GALNTL6: variants seen among roughly 807,000 people sequenced by gnomAD.
The protein encoded by GALNTL6 is polypeptide N-acetylgalactosaminyltransferase like 6, also known as polypeptide N-acetylgalactosaminyltransferase-like 6.
Under a neutral mutation model 73.7 loss-of-function variants are expected in GALNTL6, and 46 were observed. That is an observed-to-expected ratio of 0.62 (90% CI 0.49 to 0.80). GALNTL6 has a LOEUF of 0.80. Among genes scored for constraint, GALNTL6 ranks in the 30% least tolerant of loss-of-function variants. The pLI is 0.00. For synonymous variants in GALNTL6, 259 were observed against 263.7 expected (o/e 0.98, Z 0.17); for missense variants, 604 against 755.0 (o/e 0.80, Z 2.34).
chr4:172,458,658 A>G (rs1279647449), intron 5 of GALNTL6, among the ~76,000 whole-genome samples: 1 of 152,220 alleles, frequency 6.6e-6, no homozygotes. Context: ...ACACCCTCCC[A>G]GGACTAAACC....
intron 2 of GALNTL6, among the ~76,000 whole-genome samples, chr4:171,950,674 T>C (rs187686845): frequency 6.6e-6 from 1 of 152,104 alleles, no homozygotes; most frequent in Admixed American, 6.6e-5. Context: ...GAGAAGGGGT[T>C]TCACCATGTC....
At chr4:172,492,006 G>C (rs966332807) in intron 5 of GALNTL6, among the ~76,000 whole-genome samples, 2 of 152,082 alleles carry the variant, frequency 1.3e-5, no homozygotes, top group African/African-American at 4.8e-5. Flanking sequence ...CCATTGAGTG[G>C]TTCTAACCTG....
intron 2 of GALNTL6, among the ~76,000 whole-genome samples, chr4:172,119,521 G>A (rs11132927): frequency 1.3e-5 from 2 of 151,994 alleles, no homozygotes; most frequent in South Asian, 2.1e-4. Context: ...TCTTGGCCAC[G>A]TTATAACATT....
At chr4:172,604,021 A>G (rs1003987574) in intron 5 of GALNTL6, among the ~76,000 whole-genome samples, 1 of 152,222 alleles carries the variant, frequency 6.6e-6, no homozygotes, top group Non-Finnish European at 1.5e-5. Flanking sequence ...GGTCAGTATA[A>G]GTGCGTTATT....
intron 8 of GALNTL6, among the ~76,000 whole-genome samples, chr4:172,923,130 G>C (rs1016481710): frequency 6.6e-6 from 1 of 152,188 alleles, no homozygotes; most frequent in Non-Finnish European, 1.5e-5. Flanking sequence ...AGGAGGGGAA[G>C]AGAGTTTATT....
At chr4:172,271,963 T>C (rs182779578) in intron 3 of GALNTL6, among the ~76,000 whole-genome samples, 2,030 of 151,872 alleles carry the variant, frequency 0.013, 44 homozygotes, top group African/African-American at 0.046. Context: ...ATATATATTT[T>C]TTTTTATGAG....
intron 5 of GALNTL6, among the ~76,000 whole-genome samples, chr4:172,503,685 A>G (rs1734346333): frequency 1.3e-5 from 2 of 151,888 alleles, no homozygotes; most frequent in Non-Finnish European, 2.9e-5. Flanking sequence ...AGTGAATTCA[A>G]CAATGTACAG....
intron 5 of GALNTL6, among the ~76,000 whole-genome samples, chr4:172,751,013 G>A (rs939193132): frequency 2.6e-5 from 4 of 152,058 alleles, no homozygotes; most frequent in African/African-American, 9.7e-5. Context: ...GTTGTGAAGT[G>A]GTGAGTTGTG....
chr4:171,972,268 T>A (rs1739595796), intron 2 of GALNTL6, among the ~76,000 whole-genome samples: 1 of 152,230 alleles, frequency 6.6e-6, no homozygotes, highest in Admixed American at 6.5e-5. Context: ...GTATTTTATA[T>A]ATTTTCTTTT....
chr4:172,679,739 A>G (rs1330369862), intron 5 of GALNTL6, among the ~76,000 whole-genome samples: 1 of 152,224 alleles, frequency 6.6e-6, no homozygotes, highest in Non-Finnish European at 1.5e-5. Context: ...TCCAAATGGT[A>G]TAACTAAGTA....
At chr4:172,691,005 A>G (rs1560883020) in intron 5 of GALNTL6, among the ~76,000 whole-genome samples, 1 of 152,214 alleles carries the variant, frequency 6.6e-6, no homozygotes, top group Admixed American at 6.6e-5. Flanking sequence ...GCAATACAAA[A>G]CTAGTCAACA....
At chr4:172,564,388 A>G (rs1205542417) in intron 5 of GALNTL6, among the ~76,000 whole-genome samples, 3 of 152,250 alleles carry the variant, frequency 2.0e-5, no homozygotes, top group Non-Finnish European at 4.4e-5. Context: ...CTTATGTGTG[A>G]CTAGTTGAAA....
intron 12 of GALNTL6, among the ~76,000 whole-genome samples, chr4:173,037,567 T>C (rs181412151): frequency 2.0e-4 from 30 of 152,298 alleles, no homozygotes; most frequent in Admixed American, 1.8e-3. Flanking sequence ...CAGAAAATAA[T>C]GTTTGAAAAA....
intron 5 of GALNTL6, among the ~76,000 whole-genome samples, chr4:172,656,524 AC>A (rs1731022808): frequency 1.3e-5 from 2 of 152,104 alleles, no homozygotes; most frequent in African/African-American, 2.4e-5. Flanking sequence ...ATTCCTGAGC[AC>A]CCCTTTTCTA....
chr4:172,913,052 T>G (rs1443828886), intron 8 of GALNTL6, among the ~76,000 whole-genome samples: 2 of 152,174 alleles, frequency 1.3e-5, no homozygotes, highest in Non-Finnish European at 2.9e-5. Flanking sequence ...CATTTGCCGT[T>G]CTGCAATATT....
intron 5 of GALNTL6, among the ~76,000 whole-genome samples, chr4:172,550,669 T>C (rs7681404): frequency 0.88 from 133,489 of 152,186 alleles, 58,613 homozygotes; most frequent in African/African-American, 0.92. Context: ...GTGATTATAG[T>C]TCACTGCAGC....
chr4:172,084,132 C>G (rs980329608), intron 2 of GALNTL6, among the ~76,000 whole-genome samples: 1 of 152,034 alleles, frequency 6.6e-6, no homozygotes, highest in African/African-American at 2.4e-5. Context: ...AAAAATTAAA[C>G]AAAATGGAAA....
At chr4:172,060,745 C>G (rs916349198) in intron 2 of GALNTL6, among the ~76,000 whole-genome samples, 5 of 152,164 alleles carry the variant, frequency 3.3e-5, no homozygotes, top group African/African-American at 1.2e-4. Context: ...TTCAAAACAT[C>G]ACTTAGTCAC....
intron 2 of GALNTL6, among the ~76,000 whole-genome samples, chr4:172,187,816 A>T (rs762196996): frequency 2.6e-5 from 4 of 152,038 alleles, no homozygotes; most frequent in Non-Finnish European, 4.4e-5. Flanking sequence ...ACTTCCAAGT[A>T]CTCTTCTGAG....
Sources: allele counts gnomAD v4.1 joint callset (sites outside exome capture counted in the v4.1 genomes callset), GRCh38; gene constraint gnomAD v4.1.1; transcripts MANE v1.5; gene names NCBI Gene and HGNC (gene_info 2026-07-23, HGNC 2026-07-21).